TBC1D5: variants seen among roughly 807,000 people sequenced by gnomAD.
TBC1D5 encodes the protein TBC1 domain family, member 5.
Under a neutral mutation model 100.3 loss-of-function variants are expected in TBC1D5, and 75 were observed. The observed-to-expected ratio is 0.75, with a 90% confidence interval of 0.62 to 0.91. The LOEUF (loss-of-function observed/expected upper bound fraction) is 0.91, where lower values mean the gene tolerates loss of function less well. Among genes scored for constraint, TBC1D5 ranks in the 40% least tolerant of loss-of-function variants. The probability of loss-of-function intolerance (pLI) is 0.00; values close to 1 mark genes in which losing one functional copy is unlikely to be tolerated. For synonymous variants in TBC1D5, 323 were observed against 325.6 expected, an observed-to-expected ratio of 0.99 and a Z score of 0.09; for missense variants, 910 against 942.4, an observed-to-expected ratio of 0.97 and a Z score of 0.45.
chr3:17,386,611 A>G (rs2093162846), intron 8 of TBC1D5, among the ~76,000 whole-genome samples: 3 of 152,084 alleles, frequency 2.0e-5, no homozygotes, highest in African/African-American at 4.8e-5. Flanking sequence ...CCCATGTTCA[A>G]ATAAGGCAAA....
At chr3:17,265,925 A>G (rs2078802083) in intron 15 of TBC1D5, among the ~76,000 whole-genome samples, 1 of 152,054 alleles carries the variant, frequency 6.6e-6, no homozygotes, top group Non-Finnish European at 1.5e-5. Flanking sequence ...AACCTGGAAC[A>G]AAGAACAGCC....
At chr3:17,374,774 A>G in intron 10 of TBC1D5, 95 bp from the exon 11 acceptor site, 1 of 1,239,130 alleles carries the variant, frequency 8.1e-7, no homozygotes, top group East Asian at 2.5e-5. Flanking sequence ...CTTTCATATA[A>G]TATGCAAACG....
intron 2 of TBC1D5, among the ~76,000 whole-genome samples, chr3:17,534,246 T>C (rs1183909978): frequency 6.6e-6 from 1 of 152,046 alleles, no homozygotes; most frequent in Non-Finnish European, 1.5e-5. Context: ...TGGGGAGAAA[T>C]TTAATGACAG....
chr3:17,382,902 T>A (rs944406285), intron 9 of TBC1D5, among the ~76,000 whole-genome samples: 1 of 152,024 alleles, frequency 6.6e-6, no homozygotes, highest in African/African-American at 2.4e-5. Flanking sequence ...TTATTGTTAA[T>A]TTTTTTCTAG....
chr3:17,270,337 AT>A (rs529023519), intron 15 of TBC1D5, among the ~76,000 whole-genome samples: 2 of 151,644 alleles, frequency 1.3e-5, no homozygotes, highest in Non-Finnish European at 2.9e-5. Context: ...TTTTTAATGG[AT>A]TTTTTTCCCT....
chr3:17,717,712 T>G (rs2075353955), intron 1 of TBC1D5, among the ~76,000 whole-genome samples: 1 of 152,194 alleles, frequency 6.6e-6, no homozygotes, highest in South Asian at 2.1e-4. Context: ...TGCTTTCTAG[T>G]GACTAGGTGG....
intron 3 of TBC1D5, among the ~76,000 whole-genome samples, chr3:17,434,721 C>T (rs752604129): frequency 1.1e-4 from 17 of 152,182 alleles, no homozygotes; most frequent in Non-Finnish European, 2.1e-4. Context: ...TCTGACATGC[C>T]CTGGAGACAT....
rs894385810 is a variant in TBC1D5, at chr3:17,698,795, G to A, written c.-101+40548C>T. 3.6e-3 allele frequency among the ~76,000 whole-genome samples: 538 copies of A among 147,856 alleles called. 4 individuals carry two copies. The highest frequency in any genetic ancestry group is 0.013 in the African/African-American group (522 of 40,144). ...GCAGCCAAAAGACACATGAAAAAAT[G>A]CTCATCATCACTGGCCATCAGAGAA... is the stretch of plus-strand genomic sequence containing the variant. On this transcript the variant is annotated intron_variant, in intron 1 of 21. Transcript: ENST00000253692.
At chr3:17,419,814 T>C (rs1189510884) in intron 4 of TBC1D5, among the ~76,000 whole-genome samples, 3 of 152,188 alleles carry the variant, frequency 2.0e-5, no homozygotes, top group Non-Finnish European at 2.9e-5. Flanking sequence ...TAGGTGGGAC[T>C]AGAGGCATGT....
intron 13 of TBC1D5, among the ~76,000 whole-genome samples, chr3:17,346,291 T>A (rs1160560019): frequency 2.0e-5 from 3 of 152,158 alleles, no homozygotes; most frequent in Admixed American, 1.3e-4. Flanking sequence ...GGCTTCACCT[T>A]TGCTAACCTA....
At chr3:17,512,338 C>G (rs1201525323) in intron 2 of TBC1D5, among the ~76,000 whole-genome samples, 1 of 152,022 alleles carries the variant, frequency 6.6e-6, no homozygotes, top group East Asian at 1.9e-4. Context: ...TAAACAATCA[C>G]TGTAAAAGTC....
chr3:17,326,720 C>CTTG (rs2086198956), intron 13 of TBC1D5, among the ~76,000 whole-genome samples: 1 of 152,208 alleles, frequency 6.6e-6, no homozygotes, highest in Non-Finnish European at 1.5e-5. Context: ...GTAACCCAAC[C>CTTG]ACCTTGGCCT....
At chr3:17,610,428 C>T (rs534148609) in intron 2 of TBC1D5, among the ~76,000 whole-genome samples, 2 of 152,292 alleles carry the variant, frequency 1.3e-5, no homozygotes, top group African/African-American at 4.8e-5. Flanking sequence ...CTCAAGCAAT[C>T]TGCCTGCCTC....
At chr3:17,312,770 G>C (rs2084189950) in intron 13 of TBC1D5, among the ~76,000 whole-genome samples, 1 of 152,158 alleles carries the variant, frequency 6.6e-6, no homozygotes, top group African/African-American at 2.4e-5. Flanking sequence ...GTTTGAAGCT[G>C]TTTTGTCAGA....
chr3:17,175,426 A>G (rs1290659899), intron 19 of TBC1D5, among the ~76,000 whole-genome samples: 2 of 152,220 alleles, frequency 1.3e-5, no homozygotes, highest in African/African-American at 2.4e-5. Flanking sequence ...AGAGAGTAAC[A>G]TGGAAGCATG....
intron 2 of TBC1D5, among the ~76,000 whole-genome samples, chr3:17,531,516 C>T (rs933338563): frequency 2.0e-5 from 3 of 152,070 alleles, no homozygotes; most frequent in African/African-American, 4.8e-5. Flanking sequence ...AAAAAGAGCC[C>T]GCATTGCCAA....
intron 16 of TBC1D5, among the ~76,000 whole-genome samples, chr3:17,249,276 C>T (rs1161243646): frequency 6.6e-6 from 1 of 152,160 alleles, no homozygotes; most frequent in African/African-American, 2.4e-5. Context: ...ATCTAGCTTG[C>T]GACCCATTTC....
At chr3:17,327,359 T>C (rs929732879) in intron 13 of TBC1D5, among the ~76,000 whole-genome samples, 6 of 152,230 alleles carry the variant, frequency 3.9e-5, no homozygotes, top group Non-Finnish European at 7.3e-5. Context: ...ATCATGTCTG[T>C]CCTCAAAGTT....
chr3:17,644,961 G>A (rs529140862), intron 1 of TBC1D5, among the ~76,000 whole-genome samples: 2 of 151,974 alleles, frequency 1.3e-5, no homozygotes, highest in African/African-American at 4.8e-5. Flanking sequence ...AACACTCTTG[G>A]TCTAAAGCAT....
Sources: gnomAD v4.1 joint callset for allele counts (sites outside exome capture counted in the v4.1 genomes callset) on GRCh38, gnomAD v4.1.1 for gene constraint, MANE v1.5 for transcripts, NCBI Gene and HGNC (gene_info 2026-07-23, HGNC 2026-07-21) for gene names.